The following WWC2 variants were observed in gnomAD, a reference collection of about 807,000 sequenced individuals.
WWC2 encodes protein WWC2.
WWC2 carries 101 observed loss-of-function variants against 138.5 expected under a neutral mutation model. That is an observed-to-expected ratio of 0.73 (90% CI 0.62 to 0.86). The LOEUF is 0.86. Among genes scored for constraint, WWC2 ranks in the 40% least tolerant of loss-of-function variants. WWC2 has a pLI of 0.00. For missense variants in WWC2, 1,420 were observed against 1,419.4 expected, an observed-to-expected ratio of 1.00 and a Z score of -0.01; for synonymous variants, 558 against 538.4, an observed-to-expected ratio of 1.04 and a Z score of -0.50.
rs117483749 is a variant in WWC2 at position 183,271,295 on chromosome 4, T to A, written c.2562+54T>A. On this transcript the variant is annotated intron_variant, in intron 16 of 22. Coordinates refer to ENST00000403733, the MANE Select transcript of WWC2 (RefSeq NM_024949.6). ...AGTAATGTGAAATACATATATGAAATACATATATGAAAGTAATATGAAATA... is the reference window on the plus strand; with the variant it reads ...AGTAATGTGAAATACATATATGAAAAACATATATGAAAGTAATATGAAATA... The A allele has an allele frequency of 5.4e-4, 748 of 1,390,256 alleles. 13 individuals carry two copies. The East Asian group carries it at 0.019, about 35-fold the overall frequency. The allele number at this position is 1,390,256 out of a possible 1,614,324, so 86.1% of individuals were successfully genotyped here. A position where few individuals can be genotyped will look rare whatever the true frequency, so the allele number is the denominator to read the frequency against.
intron 4 of WWC2, among the ~76,000 whole-genome samples, chr4:183,222,121 G>A (rs114927532): frequency 4.6e-5 from 7 of 152,280 alleles, no homozygotes; most frequent in Non-Finnish European, 7.4e-5. Context: ...TTTAGTGGTT[G>A]CTAGGGGCCA....
At chr4:183,209,798 G>T (rs1735547018) in intron 4 of WWC2, among the ~76,000 whole-genome samples, 2 of 152,138 alleles carry the variant, frequency 1.3e-5, no homozygotes, top group Admixed American at 1.3e-4. Context: ...GCCAGAACTT[G>T]TTTATCCTTG....
At chr4:183,178,099 A>G (rs1734517068) in intron 1 of WWC2, among the ~76,000 whole-genome samples, 1 of 152,190 alleles carries the variant, frequency 6.6e-6, no homozygotes, top group South Asian at 2.1e-4. Context: ...GGCCAAACCA[A>G]CATACTTTCT....
intron 1 of WWC2, among the ~76,000 whole-genome samples, chr4:183,108,305 G>A (rs1732109973): frequency 6.6e-6 from 1 of 152,106 alleles, no homozygotes; most frequent in Non-Finnish European, 1.5e-5. Context: ...GATGTGATGT[G>A]GTGACAATGG....
chr4:183,180,337 C>G (rs896595195), intron 1 of WWC2, among the ~76,000 whole-genome samples: 1 of 152,128 alleles, frequency 6.6e-6, no homozygotes, highest in African/African-American at 2.4e-5. Context: ...GCCGTCTTGT[C>G]TCATGATTTC....
At chr4:183,205,999 C>G (rs1278924662) in intron 2 of WWC2, among the ~76,000 whole-genome samples, 1 of 152,170 alleles carries the variant, frequency 6.6e-6, no homozygotes, top group Non-Finnish European at 1.5e-5. Flanking sequence ...CTGTGCTTTG[C>G]TTTACAAATT....
intron 7 of WWC2, 143 bp from the exon 8 acceptor site, chr4:183,249,777 A>G (rs1005399488): frequency 6.4e-6 from 4 of 621,764 alleles, no homozygotes. Flanking sequence ...CAATAAAATA[A>G]GTGTCTTTTA....
intron 4 of WWC2, among the ~76,000 whole-genome samples, chr4:183,238,817 T>G (rs1338652065): frequency 2.0e-5 from 3 of 152,202 alleles, no homozygotes; most frequent in African/African-American, 7.2e-5. Context: ...AGATTTCTTT[T>G]GTTGGCTGAT....
intron 1 of WWC2, among the ~76,000 whole-genome samples, chr4:183,134,440 G>T (rs1331693039): frequency 6.6e-6 from 1 of 151,776 alleles, no homozygotes; most frequent in African/African-American, 2.4e-5. Context: ...TGAATCTCAT[G>T]TTTTTATATG....
intron 21 of WWC2, among the ~76,000 whole-genome samples, chr4:183,299,656 C>T (rs1022447717): frequency 2.0e-4 from 31 of 152,278 alleles, no homozygotes; most frequent in Middle Eastern, 3.4e-3. Flanking sequence ...TTCCTCCTCA[C>T]TTCCACAGTC....
chr4:183,267,252 G>A (rs1360719580), intron 14 of WWC2, among the ~76,000 whole-genome samples: 2 of 152,142 alleles, frequency 1.3e-5, no homozygotes, highest in African/African-American at 4.8e-5. Context: ...CTGAATCAAA[G>A]TGTGGACTGT....
chr4:183,181,959 T>G lies in WWC2; in HGVS notation c.132-11640T>G, dbSNP rs554020445. Among the ~76,000 whole-genome samples the G allele has an allele frequency of 3.9e-5, 6 of 152,288 alleles. No individual in the cohort carries two copies. In the East Asian group the frequency reaches 5.8e-4, roughly 15 times the overall value. ...AAAATGTATATTTTTAAGTCAACAT[T>G]GAAAACTACAGTATACATAGAGTTT... On this transcript the variant is annotated intron_variant, in intron 1 of 22. Transcript: ENST00000403733.
At chr4:183,280,254 T>TG (rs1738024868) in intron 16 of WWC2, among the ~76,000 whole-genome samples, 1 of 138,826 alleles carries the variant, frequency 7.2e-6, no homozygotes, top group South Asian at 2.3e-4. Flanking sequence ...TTTTTTTTTT[T>TG]GCTTTGTTTC....
chr4:183,265,883 A>G lies in WWC2; in HGVS notation c.2139A>G (p.Ser713=). 1 of 1,613,154 alleles carries G rather than the reference A, an allele frequency of 6.2e-7. No homozygotes were observed. Among genetic ancestry groups the G allele is most frequent in the Non-Finnish European group, 8.5e-7 (1 of 1,179,588 alleles). ...TTGACAGATACAATGCAAAAAGTTC[A>G]AGTTTCATGGTGATTATAGCACAGC... ...QIGLRYNAKS[S]SFMVIIAQLR... is the part of the protein sequence containing the mutation. Residue 713 remains serine (S), a synonymous_variant, in exon 14 of 23, where the codon TCA becomes TCG. Transcript: ENST00000403733.
At chr4:183,167,129 A>T (rs1044340817) in intron 1 of WWC2, among the ~76,000 whole-genome samples, 2 of 152,176 alleles carry the variant, frequency 1.3e-5, no homozygotes, top group East Asian at 1.9e-4. Flanking sequence ...GAATTTTCAT[A>T]TGGCCACGGA....
intron 1 of WWC2, among the ~76,000 whole-genome samples, chr4:183,151,080 T>C (rs1467956777): frequency 2.0e-5 from 3 of 152,208 alleles, no homozygotes; most frequent in Non-Finnish European, 4.4e-5. Context: ...GGTCAAATGG[T>C]ATTTCTAGTT....
At chr4:183,144,044 G>T (rs1191704940) in intron 1 of WWC2, among the ~76,000 whole-genome samples, 1 of 152,158 alleles carries the variant, frequency 6.6e-6, no homozygotes, top group Admixed American at 6.6e-5. Context: ...GAGAAATAAA[G>T]AAGGAAATTA....
chr4:183,238,385 C>G (rs917007485), intron 4 of WWC2, among the ~76,000 whole-genome samples: 5 of 152,210 alleles, frequency 3.3e-5, no homozygotes, highest in African/African-American at 1.2e-4. Context: ...CCTCGTGGCA[C>G]TTCTGCTCAG....
At chr4:183,284,695 T>C (rs1360834038) in intron 19 of WWC2, among the ~76,000 whole-genome samples, 3 of 152,218 alleles carry the variant, frequency 2.0e-5, no homozygotes, top group African/African-American at 7.2e-5. Flanking sequence ...TTTAGAAACA[T>C]AAAGTGGTTT....
Sources: allele counts gnomAD v4.1 joint callset (sites outside exome capture counted in the v4.1 genomes callset), GRCh38; gene constraint gnomAD v4.1.1; transcripts MANE v1.5; gene names NCBI Gene and HGNC (gene_info 2026-07-23, HGNC 2026-07-21).